Variants in C12orf54 observed in about 807,000 individuals in gnomAD.
C12orf54 encodes chromosome 12 open reading frame 54.
C12orf54 carries 24 observed loss-of-function variants against 26.4 expected under a neutral mutation model. The observed-to-expected ratio is 0.91, with a 90% CI of 0.66 to 1.28. The LOEUF (loss-of-function observed/expected upper bound fraction) is 1.28. Among genes scored for constraint, C12orf54 ranks in the 50% most tolerant of loss-of-function variants. C12orf54 has a pLI of 0.00. For missense variants in C12orf54, 154 were observed against 150.9 expected, an observed-to-expected ratio of 1.02 and a Z score of -0.11; for synonymous variants, 54 against 47.0, an observed-to-expected ratio of 1.15 and a Z score of -0.61.
At chr12:48,488,261 T>G (rs1364653378) in intron 4 of C12orf54, 2 of 625,968 alleles carry the variant, frequency 3.2e-6, no homozygotes, top group East Asian at 3.0e-5. Flanking sequence ...GGCCTCGGCC[T>G]AAAGGTCTGG....
chr12:48,427,251 A>T, the C12orf54 span, among the ~76,000 whole-genome samples: 2 of 151,974 alleles, frequency 1.3e-5, no homozygotes, highest in Non-Finnish European at 1.5e-5. Context: ...AGGAATGTTC[A>T]TTTGATACCT....
chr12:48,494,142 C>G (rs1432746646), intron 7 of C12orf54, among the ~76,000 whole-genome samples: 2 of 148,322 alleles, frequency 1.3e-5, no homozygotes, highest in African/African-American at 5.0e-5. Context: ...TCACTTGAAC[C>G]CAGGAGGCAG....
chr12:48,464,924 A>T, the C12orf54 span, among the ~76,000 whole-genome samples: 1 of 152,194 alleles, frequency 6.6e-6, no homozygotes, highest in Non-Finnish European at 1.5e-5. Flanking sequence ...CTCAAGATTT[A>T]TTAAAGACTT....
the C12orf54 span, among the ~76,000 whole-genome samples, chr12:48,426,610 T>G: frequency 6.6e-6 from 1 of 152,120 alleles, no homozygotes; most frequent in African/African-American, 2.4e-5. Context: ...TTGTTTCTAG[T>G]TCTATAAAAA....
the C12orf54 span, among the ~76,000 whole-genome samples, chr12:48,416,105 A>C: frequency 2.3e-3 from 355 of 152,272 alleles, no homozygotes; most frequent in African/African-American, 8.3e-3. Flanking sequence ...TTATCTGATC[A>C]ATTTTAGTAA....
At chr12:48,463,900 T>C in the C12orf54 span, among the ~76,000 whole-genome samples, 55 of 152,088 alleles carry the variant, frequency 3.6e-4, no homozygotes, top group African/African-American at 1.1e-3. Context: ...TGTTAAAAAC[T>C]CTCAACAAAC....
the C12orf54 span, among the ~76,000 whole-genome samples, chr12:48,454,356 C>G: frequency 9.2e-5 from 14 of 152,292 alleles, no homozygotes; most frequent in South Asian, 2.7e-3. Flanking sequence ...ACCTCGGCCT[C>G]CCAAAGTGCT....
chr12:48,462,744 A>G, the C12orf54 span, among the ~76,000 whole-genome samples: 1 of 151,768 alleles, frequency 6.6e-6, no homozygotes, highest in African/African-American at 2.4e-5. Flanking sequence ...TTGACAAAGG[A>G]GATCTATAAA....
In C12orf54 at chr12:48,492,975, G is replaced by A. The variant is rs1254066480; in HGVS notation, c.222G>A (p.Met74Ile). 4 of 1,614,090 alleles carry A rather than the reference G, an allele frequency of 2.5e-6. 1 individual carries two copies. In the South Asian group the frequency reaches 3.3e-5, roughly 13 times the overall value. The change falls in exon 7 of 9, where the codon ATG becomes ATA. Residue 74 changes from methionine to isoleucine, a missense_variant. Coordinates refer to ENST00000548364, the MANE Select transcript of C12orf54 (RefSeq NM_152319.4). ...RGMSNCSMTP[M>I]TSAPRTGSIR... is the part of the protein sequence containing the mutation. ...TGAGCAACTGCTCCATGACACCCAT[G>A]ACATCAGCACCCAGGACTGGGTAAG...
chr12:48,466,883 G>A, the C12orf54 span, among the ~76,000 whole-genome samples: 6 of 152,084 alleles, frequency 3.9e-5, no homozygotes, highest in Non-Finnish European at 8.8e-5. Flanking sequence ...GTGAATGGAT[G>A]TTCATAGCCA....
rs372648454 is a variant in C12orf54 at position 48,486,736 on chromosome 12, G to A, written c.135+10G>A. On this transcript the variant is annotated intron_variant, in intron 4 of 8. Transcript: ENST00000548364. ...AACCCTGTGGGACCAGGTGAGTACA[G>A]AGGAATCATTTTTGACAGCATGGCA... 2.5e-6 allele frequency: 4 copies of A among 1,611,514 alleles called. No homozygotes were observed. Among genetic ancestry groups the A allele is most frequent in the Admixed American group, 1.7e-5 (1 of 59,966 alleles).
intron 5 of C12orf54, 46 bp from the exon 6 acceptor site, chr12:48,490,766 G>A (rs2137094408): frequency 1.2e-6 from 2 of 1,608,226 alleles, no homozygotes; most frequent in Non-Finnish European, 1.7e-6. Context: ...AGGTCTGCAG[G>A]AGACCAGCCC....
chr12:48,473,922 T>C, the C12orf54 span, among the ~76,000 whole-genome samples: 1 of 152,174 alleles, frequency 6.6e-6, no homozygotes, highest in Non-Finnish European at 1.5e-5. Flanking sequence ...TAAAGGTGTA[T>C]TTTGGCACTG....
At chr12:48,448,906 G>T in the C12orf54 span, among the ~76,000 whole-genome samples, 3 of 152,274 alleles carry the variant, frequency 2.0e-5, no homozygotes, top group South Asian at 6.2e-4. Context: ...TACATTTTAG[G>T]GGGGCATGAG....
At chr12:48,433,974 C>T in the C12orf54 span, among the ~76,000 whole-genome samples, 1 of 152,174 alleles carries the variant, frequency 6.6e-6, no homozygotes, top group Non-Finnish European at 1.5e-5. Flanking sequence ...CATCACCTCA[C>T]CCCGGAAGCA....
chr12:48,494,700 T>C, intron 7 of C12orf54, 98 bp from the exon 8 acceptor site: 1 of 1,300,510 alleles, frequency 7.7e-7, no homozygotes, highest in Non-Finnish European at 1.1e-6. Context: ...TGGGGGAGTG[T>C]AATAATAGAA....
the C12orf54 span, among the ~76,000 whole-genome samples, chr12:48,418,039 A>G: frequency 6.6e-6 from 1 of 152,226 alleles, no homozygotes; most frequent in Non-Finnish European, 1.5e-5. Context: ...ATTTAGATAG[A>G]AAACAGACCA....
At chr12:48,451,020 TA>T in the C12orf54 span, among the ~76,000 whole-genome samples, 1 of 150,820 alleles carries the variant, frequency 6.6e-6, no homozygotes, top group South Asian at 2.1e-4. Flanking sequence ...CAAAGATATT[TA>T]AAAAAAAGAG....
At chr12:48,455,674 C>G in the C12orf54 span, among the ~76,000 whole-genome samples, 1 of 152,152 alleles carries the variant, frequency 6.6e-6, no homozygotes, top group African/African-American at 2.4e-5. Context: ...GTGAGCAGCT[C>G]CAACATGATT....
Sources: allele counts gnomAD v4.1 joint callset (sites outside exome capture counted in the v4.1 genomes callset), GRCh38; gene constraint gnomAD v4.1.1; transcripts MANE v1.5; gene names NCBI Gene and HGNC (gene_info 2026-07-23, HGNC 2026-07-21).